MAPKBP1: variants seen among roughly 807,000 people sequenced by gnomAD.
MAPKBP1 encodes mitogen-activated protein kinase-binding protein 1.
MAPKBP1 carries 71 observed loss-of-function variants against 170.5 expected under a neutral mutation model. The observed-to-expected ratio is 0.42, with a 90% confidence interval of 0.34 to 0.51. The LOEUF (loss-of-function observed/expected upper bound fraction) is 0.51. MAPKBP1 is among the 20% of genes least tolerant of loss of function. The probability of loss-of-function intolerance (pLI) is 0.06; values close to 1 mark genes in which losing one functional copy is unlikely to be tolerated. For synonymous variants in MAPKBP1, 719 were observed against 757.9 expected, an observed-to-expected ratio of 0.95 and a Z score of 0.84; for missense variants, 1,598 against 1,933.0, an observed-to-expected ratio of 0.83 and a Z score of 3.25.
In MAPKBP1 at chr15:41,818,285, C is replaced by T; in HGVS notation, c.2072C>T (p.Ala691Val). Residue 691 changes from alanine to valine, a missense_variant, in exon 18 of 31, where the codon GCC (alanine) becomes GTC (valine). Ala to Val is a moderately conservative substitution (Grantham distance 64). This residue lies in a region of MAPKBP1 where 63 missense variants were observed against 115.2 expected (regional missense o/e 0.55). Transcript: ENST00000457542. This position sits in a 1 kb window ranked among gnomAD's most constrained non-coding sequence, Gnocchi z 5.2. ...IFDFSSGECVATMFGHSEIVT... is the reference protein window; with the variant it reads ...IFDFSSGECVVTMFGHSEIVT... ...GACTTCTCCTCAGGCGAGTGCGTGG[C>T]CACCATGTTTGGCCACTCAGGTGAG... is the stretch of plus-strand genomic sequence containing the variant. 6.2e-7 allele frequency: 1 copy of T among 1,614,040 alleles called. No homozygotes were observed. Among genetic ancestry groups the T allele is most frequent in the Non-Finnish European group, 8.5e-7 (1 of 1,179,914 alleles).
chr15:41,824,154 A>G, intron 29 of MAPKBP1, 93 bp downstream of exon 29: 1 of 1,479,338 alleles, frequency 6.8e-7, no homozygotes, highest in Non-Finnish European at 9.0e-7. Context: ...TTCTGTGGGT[A>G]CAGCTTCTGG....
rs2064905845 is a variant in MAPKBP1, at chr15:41,817,146, T to TGGG, written c.1711+112_1711+114dup. ...TTGTGGGGGAGTGTTGGACAGCAGCTGGGAGGCCTGGAGCTGGTTGGGAAG... is the reference window on the plus strand; with the variant it reads ...TTGTGGGGGAGTGTTGGACAGCAGCTGGGGGGAGGCCTGGAGCTGGTTGGGAAG... On this transcript the variant is annotated intron_variant, in intron 14 of 30. Transcript: ENST00000457542. The surrounding 1 kb of genome is among the most constrained non-coding windows in gnomAD (Gnocchi z 4.2). 1 of 1,482,136 alleles carries TGGG rather than the reference T, an allele frequency of 6.7e-7. No homozygotes were observed. Among genetic ancestry groups the TGGG allele is most frequent in the Non-Finnish European group, 9.0e-7 (1 of 1,106,494 alleles). 91.8% of individuals were successfully genotyped at this position (1,482,136 alleles called of 1,614,324 possible).
At position 41,799,925 on chromosome 15, in the gene MAPKBP1, G is replaced by A. The variant is rs201588721; in HGVS notation, c.206+11G>A. On this transcript the variant is annotated intron_variant, in intron 3 of 30. Transcript: ENST00000457542. ...TGCTTACCCAGCAGGGTAAGTAAGC[G>A]CCTTGGAAGAGATCTTGATGCATGG... 143 of 1,613,066 alleles carry A rather than the reference G, an allele frequency of 8.9e-5. 2 individuals are homozygous for A. In the South Asian group the frequency reaches 1.3e-3, roughly 15 times the overall value.
rs760994582 is a variant in MAPKBP1, at chr15:41,819,599, G to A, written c.2430G>A (p.Ser810=). Residue 810 remains serine, a synonymous_variant, in exon 22 of 31, where the codon TCG becomes TCA. Coordinates refer to ENST00000457542, the MANE Select transcript of MAPKBP1 (RefSeq NM_014994.3). ...LAKSTKKALA[S]VPSPALPRSL... is the part of the protein sequence containing the mutation. ...TGACTGCCTGTTTCTGTCTAGCCTC[G>A]GTCCCCAGCCCAGCTTTGCCCCGAA... The A allele has an allele frequency of 3.1e-6, 5 of 1,610,566 alleles. No individual in the cohort carries two copies. Among genetic ancestry groups the A allele is most frequent in the East Asian group, 2.2e-5 (1 of 44,874 alleles).
rs2064948824 is a variant in MAPKBP1, at chr15:41,819,459, T to C, written c.2425+80T>C. On this transcript the variant is annotated intron_variant, in intron 21 of 30. Transcript: ENST00000457542. Reference sequence around the variant, plus strand: ...ATATGGTTTTTCTGAGACTGTGGGGTGAGAGCAGTGTGAGCTGAGGAAACT... The same window carrying C: ...ATATGGTTTTTCTGAGACTGTGGGGCGAGAGCAGTGTGAGCTGAGGAAACT... The C allele has an allele frequency of 7.5e-6, 12 of 1,593,790 alleles. No homozygotes were observed. The East Asian group carries it at 2.5e-4, about 33-fold the overall frequency.
chr15:41,782,812 TC>T (rs1385267952), intron 2 of MAPKBP1, among the ~76,000 whole-genome samples: 1 of 151,964 alleles, frequency 6.6e-6, no homozygotes, highest in Non-Finnish European at 1.5e-5. Context: ...AAGGGACAGT[TC>T]CTTAAAAAAA....
intron 2 of MAPKBP1, among the ~76,000 whole-genome samples, chr15:41,789,034 A>C (rs112180584): frequency 6.8e-4 from 104 of 152,310 alleles, no homozygotes; most frequent in Non-Finnish European, 1.3e-3. Flanking sequence ...GTTTCATGGC[A>C]TAAGTTGTGT....
At chr15:41,824,399 GTC>G in intron 29 of MAPKBP1, 83 bp from the exon 30 acceptor site, 3 of 1,279,008 alleles carry the variant, frequency 2.3e-6, no homozygotes, top group South Asian at 1.3e-5. Context: ...TGAGGGCTAG[GTC>G]TCTCCTGTTC....
chr15:41,815,422 TG>T lies in MAPKBP1; in HGVS notation c.1317+21del. 6.2e-7 allele frequency: 1 copy of T among 1,613,210 alleles called. No individual in the cohort carries two copies. The highest frequency in any genetic ancestry group is 8.5e-7 in the Non-Finnish European group (1 of 1,179,390). On this transcript the variant is annotated intron_variant, in intron 11 of 30. Coordinates refer to ENST00000457542, the MANE Select transcript of MAPKBP1 (RefSeq NM_014994.3). ...CTCAGCAGTGTGAGCCCTGAGGCTG[TG>T]GGGCCCCGCTTCACCCTCAGTGCCC...
At position 41,800,765 on chromosome 15, in the gene MAPKBP1, G is replaced by A. The variant is rs572916743; in HGVS notation, c.206+851G>A. Among the ~76,000 whole-genome samples the A allele has an allele frequency of 2.0e-5, 3 of 151,640 alleles. No individual in the cohort carries two copies. The South Asian group carries it at 6.3e-4, about 32-fold the overall frequency. On this transcript the variant is annotated intron_variant, in intron 3 of 30. Transcript: ENST00000457542. ...ACGGAATCAGGTAACACTGTATTTG[G>A]CCTTTTGTAACTGGCTTCTTTTTGT...
Position 41,818,985 on chromosome 15 carries a change from G to A in MAPKBP1, c.2291+28G>A, listed in dbSNP as rs780981624. Reference sequence around the variant, plus strand: ...GAGAACAGAATGTGGGCAAGTGATGGGTGGGTGTGCAGATGGCTTGCTGGG... The same window carrying A: ...GAGAACAGAATGTGGGCAAGTGATGAGTGGGTGTGCAGATGGCTTGCTGGG... On this transcript the variant is annotated intron_variant, in intron 20 of 30. Transcript: ENST00000457542. This position sits in a 1 kb window ranked among gnomAD's most constrained non-coding sequence, Gnocchi z 5.2. 1 of 1,610,810 alleles carries A rather than the reference G, an allele frequency of 6.2e-7. No individual in the cohort carries two copies. Among genetic ancestry groups the A allele is most frequent in the Admixed American group, 1.7e-5 (1 of 59,974 alleles).
intron 11 of MAPKBP1, 99 bp downstream of exon 11, chr15:41,815,504 T>C: frequency 6.4e-7 from 1 of 1,559,200 alleles, no homozygotes; most frequent in Non-Finnish European, 8.7e-7. Flanking sequence ...GGCCTTGGCC[T>C]TCCAGCCTTC....
rs575676514 is a variant in MAPKBP1, at chr15:41,784,261, G to C, written c.114+8872G>C. On this transcript the variant is annotated intron_variant, in intron 2 of 30. Coordinates refer to ENST00000457542, the MANE Select transcript of MAPKBP1 (RefSeq NM_014994.3). Reference sequence around the variant, plus strand: ...ATGTTCTTTCTCCAGGCTGCTTTGGGTTCTCTTGTAAGGCCCGTACAGCAG... The same window carrying C: ...ATGTTCTTTCTCCAGGCTGCTTTGGCTTCTCTTGTAAGGCCCGTACAGCAG... Among the ~76,000 whole-genome samples, 13 of 152,222 alleles carry C rather than the reference G, an allele frequency of 8.5e-5. No homozygotes were observed. In the East Asian group the frequency reaches 2.5e-3, roughly 29 times the overall value.
intron 3 of MAPKBP1, among the ~76,000 whole-genome samples, chr15:41,806,806 G>A (rs892670689): frequency 2.8e-4 from 43 of 152,152 alleles, no homozygotes; most frequent in Non-Finnish European, 5.9e-5. Flanking sequence ...GATACAAACT[G>A]TGCCCCGCAC....
In MAPKBP1 at chr15:41,826,798, A is replaced by G; in HGVS notation, c.*1362A>G. 1 of 152,242 alleles carries G rather than the reference A, an allele frequency of 6.6e-6. No homozygotes were observed. The highest frequency in any genetic ancestry group is 1.5e-5 in the Non-Finnish European group (1 of 68,022). 9.4% of individuals were successfully genotyped at this position (152,242 alleles called of 1,614,324 possible). On this transcript the variant is annotated 3_prime_UTR_variant, in exon 31 of 31. Coordinates refer to ENST00000457542, the MANE Select transcript of MAPKBP1 (RefSeq NM_014994.3). ...ATAAGTTAGAATGTAAAAGGGCAGT[A>G]ATTAGGGGTGAGGGAAAGGAGATAG...
chr15:41,797,234 C>G (rs902737671), intron 2 of MAPKBP1, among the ~76,000 whole-genome samples: 1 of 152,142 alleles, frequency 6.6e-6, no homozygotes, highest in South Asian at 2.1e-4. Context: ...TGTAATTCTT[C>G]GGCACCAACA....
chr15:41,825,240 A>G lies in MAPKBP1; in HGVS notation c.4331A>G (p.Gln1444Arg). ...VAGCKMPSAE[Q>R]SRIAQLLRDT... is the part of the protein sequence containing the mutation. ...GGCTGCAAGATGCCCTCAGCAGAGC[A>G]AAGTCGGATTGCCCAGCTCCTCAGA... The change falls in exon 31 of 31, where the codon CAA (glutamine) becomes CGA (arginine). Residue 1444 changes from glutamine to arginine, a missense_variant. Around this residue, in one of 6 missense-constraint regions of MAPKBP1, gnomAD observed 942 missense variants for 953.2 expected, o/e 0.99. Coordinates refer to ENST00000457542, the MANE Select transcript of MAPKBP1 (RefSeq NM_014994.3). 6.3e-7 allele frequency: 1 copy of G among 1,599,516 alleles called. No homozygotes were observed. The highest frequency in any genetic ancestry group is 8.6e-7 in the Non-Finnish European group (1 of 1,168,834).
At chr15:41,783,941 A>C (rs768877581) in intron 2 of MAPKBP1, among the ~76,000 whole-genome samples, 3 of 151,920 alleles carry the variant, frequency 2.0e-5, no homozygotes, top group Non-Finnish European at 4.4e-5. Flanking sequence ...CCCGGGAGGC[A>C]GAGCTTACAG....
At chr15:41,816,278 A>G in intron 12 of MAPKBP1, 2 of 459,794 alleles carry the variant, frequency 4.3e-6, no homozygotes, top group Admixed American at 7.1e-5. Context: ...AAAAGGACAT[A>G]GTAGGAAAAC....
Sources: gnomAD v4.1 joint callset for allele counts (sites outside exome capture counted in the v4.1 genomes callset) on GRCh38, gnomAD v4.1.1 for gene constraint, gnomAD v4.1.1 regional missense constraint, Gnocchi (gnomAD v3.1) non-coding constraint, MANE v1.5 for transcripts, NCBI Gene and HGNC (gene_info 2026-07-23, HGNC 2026-07-21) for gene names.